UGT1A8: variants seen among roughly 807,000 people sequenced by gnomAD.
The protein encoded by UGT1A8 is UDP glucuronosyltransferase family 1 member A8.
UGT1A8 carries 39 observed loss-of-function variants against 45.3 expected under a neutral mutation model. The observed-to-expected ratio is 0.86, with a 90% CI of 0.67 to 1.12. The LOEUF (loss-of-function observed/expected upper bound fraction) is 1.12. Ranked by LOEUF, UGT1A8 falls within the 50% of genes most tolerant of loss-of-function variation. The pLI, the probability that UGT1A8 is intolerant of heterozygous loss-of-function variation, is 0.00. For missense variants in UGT1A8, 719 were observed against 664.9 expected (o/e 1.08, Z -0.90); for synonymous variants, 275 against 249.2 (o/e 1.10, Z -0.97).
chr2:233,680,102 C>T (rs929199534), intron 1 of UGT1A8, among the ~76,000 whole-genome samples: 47 of 152,016 alleles, frequency 3.1e-4, no homozygotes, highest in African/African-American at 1.0e-3. Flanking sequence ...GCAATCATAG[C>T]GGCAGAGCTC....
At chr2:233,713,858 G>C (rs1294382978) in intron 1 of UGT1A8, 5 of 1,613,740 alleles carry the variant, frequency 3.1e-6, no homozygotes, top group African/African-American at 1.3e-5. Flanking sequence ...CACTATCTCA[G>C]GTCTGTATTG....
At chr2:233,747,276 T>C in intron 1 of UGT1A8, 1 of 1,598,748 alleles carries the variant, frequency 6.3e-7, no homozygotes, top group Non-Finnish European at 8.5e-7. Context: ...TCCTTCTCAG[T>C]GCCCAGCCCT....
chr2:233,729,597 C>T (rs375083511), intron 1 of UGT1A8: 44 of 1,613,906 alleles, frequency 2.7e-5, no homozygotes, highest in East Asian at 1.8e-4. Context: ...TTAACCTCTG[C>T]GCGGCAGTGC....
At chr2:233,690,059 C>T (rs1172653804) in intron 1 of UGT1A8, among the ~76,000 whole-genome samples, 5 of 152,156 alleles carry the variant, frequency 3.3e-5, no homozygotes, top group African/African-American at 1.2e-4. Context: ...CTTCTGCAGC[C>T]CCACCTCACA....
rs1178808521 is a variant in UGT1A8, at chr2:233,725,276, A to AGAG, written c.856-41756_856-41754dup. ...AGGCAGAGGCAGAGGAGGCAGAGGC[A>AGAG]GAGGCAGAGGCAGAGGCAGAGGCAG... On this transcript the variant is annotated intron_variant, in intron 1 of 4. Transcript: ENST00000373450. Among the ~76,000 whole-genome samples the AGAG allele has an allele frequency of 5.2e-3, 248 of 47,428 alleles. 10 individuals carry two copies. The highest frequency in any genetic ancestry group is 6.8e-3 in the Non-Finnish European group (161 of 23,506). 31.1% of individuals were successfully genotyped at this position (47,428 alleles called of 152,430 possible).
intron 1 of UGT1A8, chr2:233,760,580 A>T (rs1277566287): frequency 6.2e-7 from 1 of 1,614,094 alleles, no homozygotes; most frequent in African/African-American, 1.3e-5. Flanking sequence ...CTCGGGCATA[A>T]TGTTTTTGAG....
intron 1 of UGT1A8, among the ~76,000 whole-genome samples, chr2:233,698,008 G>A (rs556681308): frequency 6.6e-6 from 1 of 152,082 alleles, no homozygotes; most frequent in Non-Finnish European, 1.5e-5. Context: ...TATCATTTCT[G>A]CACATTGGTA....
At chr2:233,635,868 A>G (rs1398824111) in intron 1 of UGT1A8, among the ~76,000 whole-genome samples, 1 of 151,070 alleles carries the variant, frequency 6.6e-6, no homozygotes, top group Non-Finnish European at 1.5e-5. Context: ...ATCTGAGGAA[A>G]GTCATTAAAA....
rs1409125726 is a variant in UGT1A8, at chr2:233,724,318, C to A, written c.856-42716C>A. ...CCCCCCACCTCCCTCCCGGACGGGG[C>A]GGCTGGCCAGGCGGGGGGCTGACCC... is the stretch of plus-strand genomic sequence containing the variant. On this transcript the variant is annotated intron_variant, in intron 1 of 4. Transcript: ENST00000373450. Among the ~76,000 whole-genome samples, 124 of 143,122 alleles carry A rather than the reference C, an allele frequency of 8.7e-4. 1 individual carries two copies. Among genetic ancestry groups the A allele is most frequent in the African/African-American group, 2.9e-3 (111 of 38,264 alleles). 93.9% of individuals were successfully genotyped at this position (143,122 alleles called of 152,430 possible).
chr2:233,669,221 A>G (rs1044757426), intron 1 of UGT1A8, among the ~76,000 whole-genome samples: 15 of 152,022 alleles, frequency 9.9e-5, no homozygotes, highest in Admixed American at 4.6e-4. Context: ...ATAGATTTGT[A>G]ATAAGTCTTG....
chr2:233,645,099 A>G (rs1468846201), intron 1 of UGT1A8, among the ~76,000 whole-genome samples: 2 of 152,204 alleles, frequency 1.3e-5, no homozygotes, highest in Non-Finnish European at 2.9e-5. Context: ...ACTTTAAAAA[A>G]CAATCCCTTA....
At chr2:233,764,492 C>G (rs1698575712) in intron 1 of UGT1A8, among the ~76,000 whole-genome samples, 1 of 152,096 alleles carries the variant, frequency 6.6e-6, no homozygotes, top group African/African-American at 2.4e-5. Context: ...TGTTTATGGA[C>G]CTGTGGGTTC....
intron 1 of UGT1A8, chr2:233,760,374 G>A: frequency 1.9e-6 from 3 of 1,614,168 alleles, no homozygotes; most frequent in Non-Finnish European, 2.5e-6. Context: ...ATGCTGGGAA[G>A]ATACTGTTGA....
chr2:233,757,562 G>GATATATATA (rs1696648748), intron 1 of UGT1A8, among the ~76,000 whole-genome samples: 1 of 90,870 alleles, frequency 1.1e-5, no homozygotes, highest in African/African-American at 5.1e-5. Context: ...ATATATATAT[G>GATATATATA]TATATATGAT....
chr2:233,743,980 GGC>G, intron 1 of UGT1A8: 1 of 1,302,864 alleles, frequency 7.7e-7, no homozygotes, highest in South Asian at 1.3e-5. Context: ...CCAGCACCCA[GGC>G]GCAGGCCCGA....
At chr2:233,759,366 G>C (rs1046941643) in intron 1 of UGT1A8, among the ~76,000 whole-genome samples, 1 of 152,134 alleles carries the variant, frequency 6.6e-6, no homozygotes, top group Non-Finnish European at 1.5e-5. Context: ...ACTATAAAAA[G>C]GTACAGGTTT....
intron 1 of UGT1A8, among the ~76,000 whole-genome samples, chr2:233,746,098 C>T (rs530884234): frequency 6.6e-5 from 10 of 151,904 alleles, no homozygotes; most frequent in South Asian, 2.1e-4. Context: ...AGAAACATGT[C>T]CAGAGTGCTT....
chr2:233,698,952 C>G (rs990930969), intron 1 of UGT1A8, among the ~76,000 whole-genome samples: 4 of 152,240 alleles, frequency 2.6e-5, no homozygotes, highest in Non-Finnish European at 5.9e-5. Flanking sequence ...TCTGTCCAAG[C>G]TGGCCCTTGG....
At chr2:233,650,156 G>A (rs2741036) in intron 1 of UGT1A8, among the ~76,000 whole-genome samples, 33,968 of 152,022 alleles carry the variant, frequency 0.22, 4,741 homozygotes, top group South Asian at 0.38. Flanking sequence ...TTTTAGTAGA[G>A]GCAGGGTTTC....
Sources: gnomAD v4.1 joint callset for allele counts (sites outside exome capture counted in the v4.1 genomes callset) on GRCh38, gnomAD v4.1.1 for gene constraint, MANE v1.5 for transcripts, NCBI Gene and HGNC (gene_info 2026-07-23, HGNC 2026-07-21) for gene names.